Variants in ACVR1C observed in about 807,000 individuals in gnomAD.
ACVR1C encodes activin A receptor type 1C, also known as activin receptor type-1C.
Under a neutral mutation model 57.9 loss-of-function variants are expected in ACVR1C, and 23 were observed. The ratio of observed to expected loss-of-function variants is 0.40; its 90% CI spans 0.29 to 0.56. The LOEUF (loss-of-function observed/expected upper bound fraction) is 0.56, where lower values mean the gene tolerates loss of function less well. Among genes scored for constraint, ACVR1C ranks in the 20% least tolerant of loss-of-function variants. The pLI, the probability that ACVR1C is intolerant of heterozygous loss-of-function variation, is 0.50. For missense variants in ACVR1C, 480 were observed against 607.9 expected (o/e 0.79, Z 2.21); for synonymous variants, 214 against 215.3 (o/e 0.99, Z 0.05).
chr2:157,628,119 C>A (rs1240740283), intron 1 of ACVR1C, among the ~76,000 whole-genome samples: 1 of 152,146 alleles, frequency 6.6e-6, no homozygotes, highest in African/African-American at 2.4e-5. Flanking sequence ...CACCACCTCC[C>A]ACCACCACCA....
chr2:157,618,545 A>C (rs1013089992), intron 1 of ACVR1C, among the ~76,000 whole-genome samples: 1 of 151,792 alleles, frequency 6.6e-6, no homozygotes, highest in African/African-American at 2.4e-5. Context: ...TGCTCTCTCT[A>C]TAAGAAACCC....
intron 1 of ACVR1C, among the ~76,000 whole-genome samples, chr2:157,621,074 T>C (rs922895794): frequency 5.3e-5 from 8 of 152,186 alleles, no homozygotes; most frequent in African/African-American, 1.9e-4. Flanking sequence ...GTTTAAGTCA[T>C]TGGCAAATTT....
chr2:157,575,061 G>C lies in ACVR1C; in HGVS notation c.304+12126C>G, dbSNP rs200770038. Among the ~76,000 whole-genome samples, 41 of 152,026 alleles carry C rather than the reference G, an allele frequency of 2.7e-4. No individual in the cohort carries two copies. In the East Asian group the frequency reaches 6.6e-3, roughly 24 times the overall value. ...ACTGCAGCCTTGGCCTTCTGGGCTT[G>C]AAGGATCCTCCTGCCTCAGCCTCCC... On this transcript the variant is annotated intron_variant, in intron 2 of 8. Coordinates refer to ENST00000243349, the MANE Select transcript of ACVR1C (RefSeq NM_145259.3).
intron 1 of ACVR1C, among the ~76,000 whole-genome samples, chr2:157,617,821 G>A (rs570914275): frequency 6.6e-6 from 1 of 151,870 alleles, no homozygotes; most frequent in South Asian, 2.1e-4. Flanking sequence ...AAACAATAAT[G>A]GTATAATCCA....
intron 1 of ACVR1C, among the ~76,000 whole-genome samples, chr2:157,588,740 T>C (rs1688986453): frequency 6.8e-6 from 1 of 146,698 alleles, no homozygotes; most frequent in African/African-American, 2.4e-5. Flanking sequence ...TGGCCTCCAG[T>C]TCCATCAGAA....
chr2:157,589,820 G>C (rs1431058477), intron 1 of ACVR1C, among the ~76,000 whole-genome samples: 1 of 151,860 alleles, frequency 6.6e-6, no homozygotes, highest in Non-Finnish European at 1.5e-5. Flanking sequence ...CATGGTACTG[G>C]TATAAAAGTA....
intron 3 of ACVR1C, among the ~76,000 whole-genome samples, chr2:157,553,263 G>A (rs1687963144): frequency 6.6e-6 from 1 of 152,168 alleles, no homozygotes; most frequent in Non-Finnish European, 1.5e-5. Context: ...GATTATCAAA[G>A]GCAGGGAGGC....
intron 1 of ACVR1C, among the ~76,000 whole-genome samples, chr2:157,608,305 T>C (rs983116360): frequency 1.3e-5 from 2 of 151,998 alleles, no homozygotes; most frequent in Non-Finnish European, 2.9e-5. Context: ...TTGTATATGT[T>C]GAACCATACT....
chr2:157,590,068 A>C (rs758888257), intron 1 of ACVR1C, among the ~76,000 whole-genome samples: 3 of 152,030 alleles, frequency 2.0e-5, no homozygotes, highest in Non-Finnish European at 4.4e-5. Context: ...CCCTAAAACC[A>C]GAAAAATTCT....
Position 157,599,804 on chromosome 2 carries a change from G to A in ACVR1C, c.74-12387C>T, listed in dbSNP as rs559229075. 7.2e-5 allele frequency among the ~76,000 whole-genome samples: 11 copies of A among 152,222 alleles called. No homozygotes were observed. In the South Asian group the frequency reaches 8.3e-4, roughly 11 times the overall value. ...AGCAATATCTTGCAGTGATAAGCAG[G>A]GATTACTACTCTGTAGCATGGAGAG... On this transcript the variant is annotated intron_variant, in intron 1 of 8. Transcript: ENST00000243349.
chr2:157,610,057 G>T (rs1034437637), intron 1 of ACVR1C, among the ~76,000 whole-genome samples: 1 of 151,818 alleles, frequency 6.6e-6, no homozygotes, highest in Admixed American at 6.6e-5. Context: ...CTTAATATTT[G>T]TCCTTGTGGT....
chr2:157,535,475 T>TA (rs1217950390), intron 8 of ACVR1C, among the ~76,000 whole-genome samples: 2 of 152,062 alleles, frequency 1.3e-5, no homozygotes, highest in Non-Finnish European at 2.9e-5. Context: ...AAAATATGAG[T>TA]AAAAAATGAG....
chr2:157,559,828 A>C (rs896529749), intron 2 of ACVR1C, among the ~76,000 whole-genome samples: 1 of 152,000 alleles, frequency 6.6e-6, no homozygotes, highest in Non-Finnish European at 1.5e-5. Flanking sequence ...AAACTGAGAA[A>C]ATGCAAGGGA....
chr2:157,572,806 C>G (rs1444409507), intron 2 of ACVR1C, among the ~76,000 whole-genome samples: 1 of 152,098 alleles, frequency 6.6e-6, no homozygotes, highest in African/African-American at 2.4e-5. Context: ...AATCATAGCA[C>G]CTTTCATTTT....
intron 2 of ACVR1C, among the ~76,000 whole-genome samples, chr2:157,567,837 C>A (rs1688432450): frequency 2.8e-5 from 1 of 35,406 alleles, no homozygotes; most frequent in African/African-American, 9.4e-5. Flanking sequence ...CAAGGCAGGC[C>A]AACGTTCAGA....
At chr2:157,585,781 AG>A (rs1034062082) in intron 2 of ACVR1C, among the ~76,000 whole-genome samples, 10 of 152,168 alleles carry the variant, frequency 6.6e-5, no homozygotes, top group Non-Finnish European at 1.2e-4. Context: ...TCACCACCAA[AG>A]CAAGGAAGTC....
At position 157,628,651 on chromosome 2, in the gene ACVR1C, C is replaced by T; in HGVS notation, c.-7G>A. ...AGCAGAGCGCCCGGGTCATCGCCAC[C>T]AGGCGGCCGCGCCGGGGCTGCGAGG... On this transcript the variant is annotated 5_prime_UTR_variant, in exon 1 of 9. Coordinates refer to ENST00000243349, the MANE Select transcript of ACVR1C (RefSeq NM_145259.3). The T allele has an allele frequency of 6.4e-7, 1 of 1,565,280 alleles. No individual in the cohort carries two copies. Among genetic ancestry groups the T allele is most frequent in the Non-Finnish European group, 8.6e-7 (1 of 1,157,446 alleles).
rs142038522 is a variant in ACVR1C, at chr2:157,582,163, T to A, written c.304+5024A>T. Among the ~76,000 whole-genome samples, 662 of 151,760 alleles carry A rather than the reference T, an allele frequency of 4.4e-3. 5 individuals are homozygous for A. Among genetic ancestry groups the A allele is most frequent in the African/African-American group, 0.015 (630 of 41,432 alleles). On this transcript the variant is annotated intron_variant, in intron 2 of 8. Coordinates refer to ENST00000243349, the MANE Select transcript of ACVR1C (RefSeq NM_145259.3). ...TAGGACCCCATCTCAAAAAAATAAT[T>A]TTTTTTTTGAAATTAGCCAGATGTG... is the stretch of plus-strand genomic sequence containing the variant.
intron 4 of ACVR1C, among the ~76,000 whole-genome samples, chr2:157,549,125 G>T (rs999959018): frequency 6.6e-6 from 1 of 152,160 alleles, no homozygotes; most frequent in Non-Finnish European, 1.5e-5. Context: ...GGAGGCCGAG[G>T]GGGGTGGATA....
Sources: gnomAD v4.1 joint callset for allele counts (sites outside exome capture counted in the v4.1 genomes callset) on GRCh38, gnomAD v4.1.1 for gene constraint, MANE v1.5 for transcripts, NCBI Gene and HGNC (gene_info 2026-07-23, HGNC 2026-07-21) for gene names.